SI: variants seen among roughly 807,000 people sequenced by gnomAD.
SI encodes sucrase-isomaltase, intestinal.
In SI, 235 loss-of-function variants were observed where a neutral mutation model predicts 253.3. That is an observed-to-expected ratio of 0.93 (90% CI 0.83 to 1.03). The LOEUF (loss-of-function observed/expected upper bound fraction) is 1.03. Among genes scored for constraint, SI ranks in the 50% least tolerant of loss-of-function variants. The pLI is 0.00. For missense variants in SI, 2,442 were observed against 2,211.1 expected, an observed-to-expected ratio of 1.10 and a Z score of -2.09; for synonymous variants, 819 against 712.0, an observed-to-expected ratio of 1.15 and a Z score of -2.39.
intron 31 of SI, among the ~76,000 whole-genome samples, chr3:165,017,153 ATT>A (rs1719076820): frequency 1.3e-5 from 2 of 151,886 alleles, no homozygotes; most frequent in Non-Finnish European, 2.9e-5. Flanking sequence ...CAAAAAAAAA[ATT>A]AGTTCCACCT....
intron 37 of SI, among the ~76,000 whole-genome samples, chr3:165,004,594 G>A (rs1001283649): frequency 1.3e-5 from 2 of 151,958 alleles, no homozygotes; most frequent in African/African-American, 2.4e-5. Flanking sequence ...TATATACAAC[G>A]GAGTCCTATG....
the SI span, among the ~76,000 whole-genome samples, chr3:165,086,471 G>A: frequency 6.6e-6 from 1 of 152,090 alleles, no homozygotes; most frequent in African/African-American, 2.4e-5. Context: ...CACAAATACA[G>A]AATTGTTAGG....
At chr3:165,029,639 T>C (rs1712130159) in intron 25 of SI, among the ~76,000 whole-genome samples, 1 of 146,284 alleles carries the variant, frequency 6.8e-6, no homozygotes, top group African/African-American at 2.5e-5. Context: ...GCCTTATATA[T>C]ATATATAACA....
chr3:165,008,939 A>C (rs183714743), intron 35 of SI, among the ~76,000 whole-genome samples: 306 of 152,114 alleles, frequency 2.0e-3, no homozygotes, highest in African/African-American at 6.6e-3. Flanking sequence ...AGAAATTTTT[A>C]TCTCTCATAC....
chr3:165,060,392 T>G, intron 9 of SI, among the ~76,000 whole-genome samples: 1 of 151,896 alleles, frequency 6.6e-6, no homozygotes, highest in Non-Finnish European at 1.5e-5. Context: ...TCCACCACAC[T>G]CCTATTTTCT....
intron 37 of SI, among the ~76,000 whole-genome samples, chr3:165,005,329 C>A (rs1401521322): frequency 2.0e-5 from 3 of 151,786 alleles, no homozygotes; most frequent in Non-Finnish European, 4.4e-5. Flanking sequence ...TAATTGTATA[C>A]TTAAAAAAAA....
intron 1 of SI, among the ~76,000 whole-genome samples, chr3:165,078,232 T>C (rs1474059008): frequency 1.3e-5 from 2 of 151,308 alleles, no homozygotes; most frequent in Non-Finnish European, 3.0e-5. Flanking sequence ...CCAAAAAAAA[T>C]CCTGTATTTA....
intron 3 of SI, among the ~76,000 whole-genome samples, chr3:165,073,267 C>T (rs897310611): frequency 1.3e-5 from 2 of 151,192 alleles, no homozygotes; most frequent in Non-Finnish European, 2.9e-5. Context: ...GACGGAGTCT[C>T]GCTCTGTCAC....
intron 37 of SI, among the ~76,000 whole-genome samples, chr3:164,998,936 G>T (rs897503950): frequency 6.6e-6 from 1 of 151,688 alleles, no homozygotes; most frequent in Non-Finnish European, 1.5e-5. Flanking sequence ...ATGAATACAA[G>T]TTAAATCAAC....
intron 9 of SI, 61 bp downstream of exon 9, chr3:165,062,310 G>A (rs566622901): frequency 2.0e-5 from 16 of 817,174 alleles, no homozygotes; most frequent in African/African-American, 1.5e-4. Context: ...TAAATATGTG[G>A]TCATGTTAGA....
At position 164,979,155 on chromosome 3, in the gene SI, T is replaced by C. The variant is rs1717053372; in HGVS notation, c.*207A>G. ...GATAAATAGGGCTATTCAAATTTTG[T>C]TAAATATGCCTTAAAATTGAATCCA... is the stretch of plus-strand genomic sequence containing the variant. On this transcript the variant is annotated 3_prime_UTR_variant, in exon 48 of 48. Transcript: ENST00000264382. The C allele has an allele frequency of 1.9e-6, 1 of 539,332 alleles. No individual in the cohort carries two copies. 33.4% of individuals were successfully genotyped at this position (539,332 alleles called of 1,614,324 possible). A position where few individuals can be genotyped will look rare whatever the true frequency, so the allele number is the denominator to read the frequency against.
rs756392274 is a variant in SI, at chr3:165,069,217, AATTATATAATT to A, written c.256-33_256-23del. 3 of 1,407,748 alleles carry A rather than the reference AATTATATAATT, an allele frequency of 2.1e-6. No homozygotes were observed. In the Admixed American group the frequency reaches 5.0e-5, roughly 24 times the overall value. The allele number at this position is 1,407,748 out of a possible 1,614,324, so 87.2% of individuals were successfully genotyped here. ...TTCCCTGATAAAATATTTTTAAAGGAATTATATAATTACTACTATTATCAGATGTCCCAGTC... is the reference window on the plus strand; with the variant it reads ...TTCCCTGATAAAATATTTTTAAAGGAACTACTATTATCAGATGTCCCAGTC... On this transcript the variant is annotated intron_variant, in intron 3 of 47. Transcript: ENST00000264382.
intron 3 of SI, among the ~76,000 whole-genome samples, chr3:165,070,194 A>C (rs1333220272): frequency 6.8e-6 from 1 of 146,294 alleles, no homozygotes; most frequent in Non-Finnish European, 1.5e-5. Context: ...TTATATATAA[A>C]GTATATATTA....
rs1360901655 is a variant in SI at position 165,075,963 on chromosome 3, A to C, written c.50T>G (p.Phe17Cys). 6.3e-7 allele frequency: 1 copy of C among 1,598,376 alleles called. No individual in the cohort carries two copies. Among genetic ancestry groups the C allele is most frequent in the Non-Finnish European group, 8.6e-7 (1 of 1,169,128 alleles). ...AATAGCTATTATAGTAACTATGACA[A>C]AAAGGACAATCAGAGAGATTTCCAA... is the stretch of plus-strand genomic sequence containing the variant. ...SGLEISLIVL[F>C]VIVTIIAIAL... Residue 17 changes from phenylalanine to cysteine, a missense_variant, in exon 2 of 48, where the codon TTT becomes TGT. Phe to Cys is a radical substitution (Grantham distance 205). Transcript: ENST00000264382.
intron 32 of SI, among the ~76,000 whole-genome samples, chr3:165,015,667 A>T (rs1010351562): frequency 2.6e-5 from 4 of 152,072 alleles, no homozygotes; most frequent in Non-Finnish European, 5.9e-5. Flanking sequence ...CATTTTGATA[A>T]CTCCCATAAA....
At position 165,039,935 on chromosome 3, in the gene SI, A is replaced by G. The variant is rs746320367; in HGVS notation, c.2196T>C (p.Thr732=). The change falls in exon 19 of 48, where the codon ACT becomes ACC. Residue 732 remains threonine, a synonymous_variant. Transcript: ENST00000264382. ...YEDTNSWIED[T]EFLWGPALLI... ...GTAATGCAGGGCCCCACAAAAACTC[A>G]GTGTCCTCAATCCAGCTGTTCGTAT... The G allele has an allele frequency of 1.2e-6, 2 of 1,613,378 alleles. No individual in the cohort carries two copies. The highest frequency in any genetic ancestry group is 1.7e-6 in the Non-Finnish European group (2 of 1,179,442).
At chr3:165,028,411 T>C (rs1712038914) in intron 25 of SI, among the ~76,000 whole-genome samples, 1 of 151,142 alleles carries the variant, frequency 6.6e-6, no homozygotes, top group South Asian at 2.1e-4. Flanking sequence ...AACACCATCA[T>C]TATTCTTCAC....
chr3:165,059,609 T>C (rs1713887794), intron 10 of SI, among the ~76,000 whole-genome samples: 1 of 151,982 alleles, frequency 6.6e-6, no homozygotes, highest in African/African-American at 2.4e-5. Context: ...TTTAAAAATA[T>C]GTAGATTCTA....
At chr3:164,986,892 CCACA>C (rs1358311652) in intron 45 of SI, among the ~76,000 whole-genome samples, 1 of 152,064 alleles carries the variant, frequency 6.6e-6, no homozygotes, top group Admixed American at 6.6e-5. Context: ...ATAATTCTGC[CCACA>C]CAAATTTCTT....
Sources: gnomAD v4.1 joint callset for allele counts (sites outside exome capture counted in the v4.1 genomes callset) on GRCh38, gnomAD v4.1.1 for gene constraint, MANE v1.5 for transcripts, NCBI Gene and HGNC (gene_info 2026-07-23, HGNC 2026-07-21) for gene names.